Variants in SEMA5A observed in about 807,000 individuals in gnomAD.
SEMA5A encodes the protein semaphorin-5A.
Under a neutral mutation model 135.5 loss-of-function variants are expected in SEMA5A, and 55 were observed. That is an observed-to-expected ratio of 0.41 (90% CI 0.33 to 0.51). The LOEUF is 0.51. Ranked by LOEUF, SEMA5A falls within the 20% of genes least tolerant of loss-of-function variation. SEMA5A has a pLI of 0.37. For synonymous variants in SEMA5A, 580 were observed against 546.5 expected (o/e 1.06, Z -0.85); for missense variants, 1,290 against 1,419.9 (o/e 0.91, Z 1.47).
chr5:9,394,598 A>G (rs1278591297), intron 2 of SEMA5A, among the ~76,000 whole-genome samples: 2 of 152,164 alleles, frequency 1.3e-5, no homozygotes, highest in East Asian at 3.9e-4. Flanking sequence ...TCATGGAAAG[A>G]AGCCCCAGGT....
intron 1 of SEMA5A, among the ~76,000 whole-genome samples, chr5:9,515,203 A>T (rs996767015): frequency 6.6e-6 from 1 of 152,160 alleles, no homozygotes; most frequent in African/African-American, 2.4e-5. Context: ...GCTGTGACTG[A>T]TGGCCACTGC....
In SEMA5A at chr5:9,456,613, G is replaced by A. The variant is rs142736852; in HGVS notation, c.-174-18761C>T. ...AGCCCAGTCCTCATGCAGCCTAACT[G>A]GACCCCAAACCACAAAGGGGCTGGA... On this transcript the variant is annotated intron_variant, in intron 1 of 22. Coordinates refer to ENST00000382496, the MANE Select transcript of SEMA5A (RefSeq NM_003966.3). Among the ~76,000 whole-genome samples, 598 of 152,172 alleles carry A rather than the reference G, an allele frequency of 3.9e-3. 4 individuals carry two copies. The highest frequency in any genetic ancestry group is 0.014 in the African/African-American group (575 of 41,510).
intron 5 of SEMA5A, among the ~76,000 whole-genome samples, chr5:9,271,380 A>G (rs1749966187): frequency 6.6e-6 from 1 of 152,164 alleles, no homozygotes; most frequent in Non-Finnish European, 1.5e-5. Context: ...TGAACTAATA[A>G]AGAAAATTGG....
At chr5:9,123,196 T>C (rs1248632254) in intron 13 of SEMA5A, among the ~76,000 whole-genome samples, 1 of 132,218 alleles carries the variant, frequency 7.6e-6, no homozygotes, top group Non-Finnish European at 1.5e-5. Context: ...GAGGTGGAGC[T>C]TGCAGTGAGC....
At chr5:9,075,338 A>C (rs1283477678) in intron 16 of SEMA5A, among the ~76,000 whole-genome samples, 2 of 152,212 alleles carry the variant, frequency 1.3e-5, no homozygotes, top group African/African-American at 4.8e-5. Context: ...TACCCAAGAG[A>C]AAATGAAACA....
At chr5:9,159,416 C>G (rs757213285) in intron 11 of SEMA5A, among the ~76,000 whole-genome samples, 14 of 151,956 alleles carry the variant, frequency 9.2e-5, no homozygotes, top group Non-Finnish European at 1.3e-4. Flanking sequence ...AACTGGAGGG[C>G]AATGAAAAGA....
intron 6 of SEMA5A, among the ~76,000 whole-genome samples, chr5:9,229,144 A>G (rs1211360264): frequency 1.3e-5 from 2 of 152,202 alleles, no homozygotes; most frequent in Non-Finnish European, 2.9e-5. Context: ...TCCTCCTAAC[A>G]TTATTCCTAA....
intron 2 of SEMA5A, among the ~76,000 whole-genome samples, chr5:9,417,604 C>G (rs756133142): frequency 6.6e-6 from 1 of 152,218 alleles, no homozygotes; most frequent in Non-Finnish European, 1.5e-5. Flanking sequence ...GTTCAATTCA[C>G]CTGATTCCAT....
intron 4 of SEMA5A, among the ~76,000 whole-genome samples, chr5:9,331,848 T>G (rs781341738): frequency 8.5e-5 from 13 of 152,254 alleles, no homozygotes; most frequent in Non-Finnish European, 1.5e-5. Flanking sequence ...CTTTCCTTTT[T>G]TATCTGTAGT....
intron 5 of SEMA5A, among the ~76,000 whole-genome samples, chr5:9,241,565 CAAA>C (rs3061561): frequency 8.3e-4 from 93 of 111,856 alleles, no homozygotes; most frequent in Middle Eastern, 4.5e-3. Flanking sequence ...AAGAGAGCTA[CAAA>C]AAAAAAAAAA....
Position 9,401,700 on chromosome 5 carries a change from A to G in SEMA5A, c.-77-21677T>C, listed in dbSNP as rs1370499143. Among the ~76,000 whole-genome samples, 5 of 152,290 alleles carry G rather than the reference A, an allele frequency of 3.3e-5. No individual in the cohort carries two copies. The East Asian group carries it at 9.6e-4, about 29-fold the overall frequency. On this transcript the variant is annotated intron_variant, in intron 2 of 22. Transcript: ENST00000382496. ...ATTAATGCCTTGACCACTAGGCAAG[A>G]CTCTCATCCTATGGGGATTTTCTGG...
chr5:9,221,577 C>T (rs937561584), intron 8 of SEMA5A, among the ~76,000 whole-genome samples: 1 of 152,158 alleles, frequency 6.6e-6, no homozygotes, highest in Admixed American at 6.5e-5. Flanking sequence ...GCTGGGATTA[C>T]AGGCGTGAGC....
At position 9,054,018 on chromosome 5, in the gene SEMA5A, C is replaced by T. The variant is rs955461600; in HGVS notation, c.2689+69G>A. 13 of 1,505,212 alleles carry T rather than the reference C, an allele frequency of 8.6e-6. No homozygotes were observed. The Admixed American group carries it at 1.1e-4, about 12-fold the overall frequency. The allele number at this position is 1,505,212 out of a possible 1,614,324, so 93.2% of individuals were successfully genotyped here. ...TACCATGATGCAGTATCATCAATTA[C>T]ACCATTTATCCATTAAGGAAAGAGG... is the stretch of plus-strand genomic sequence containing the variant. On this transcript the variant is annotated intron_variant, in intron 19 of 22. Transcript: ENST00000382496.
At chr5:9,063,822 A>G (rs920616883) in intron 17 of SEMA5A, among the ~76,000 whole-genome samples, 1 of 152,246 alleles carries the variant, frequency 6.6e-6, no homozygotes, top group African/African-American at 2.4e-5. Flanking sequence ...CAGGAATCAC[A>G]GCCAACAGGC....
At chr5:9,385,158 A>G (rs148439944) in intron 2 of SEMA5A, among the ~76,000 whole-genome samples, 2 of 152,308 alleles carry the variant, frequency 1.3e-5, no homozygotes, top group African/African-American at 4.8e-5. Context: ...TATTTTCCAG[A>G]TGTAGGAGGA....
At chr5:9,482,143 GA>G (rs1405562084) in intron 1 of SEMA5A, among the ~76,000 whole-genome samples, 2 of 152,296 alleles carry the variant, frequency 1.3e-5, no homozygotes, top group East Asian at 3.9e-4. Context: ...GTTGAGTACA[GA>G]GTGGGATGCC....
chr5:9,267,855 A>C (rs1213833763), intron 5 of SEMA5A, among the ~76,000 whole-genome samples: 2 of 152,226 alleles, frequency 1.3e-5, no homozygotes, highest in Admixed American at 1.3e-4. Flanking sequence ...GCTGGGTACA[A>C]AGGGTTTTAT....
At chr5:9,108,354 T>A (rs1473915419) in intron 15 of SEMA5A, 67 bp from the exon 16 acceptor site, 1 of 1,567,282 alleles carries the variant, frequency 6.4e-7, no homozygotes, top group African/African-American at 1.4e-5. Context: ...GACGTTTCCA[T>A]CTCCATCCCT....
At chr5:9,446,860 G>C (rs1000894947) in intron 1 of SEMA5A, among the ~76,000 whole-genome samples, 2 of 152,092 alleles carry the variant, frequency 1.3e-5, no homozygotes, top group African/African-American at 4.8e-5. Context: ...TAAAAAAAGG[G>C]CTGGGTTCTT....
Sources: allele counts gnomAD v4.1 joint callset (sites outside exome capture counted in the v4.1 genomes callset), GRCh38; gene constraint gnomAD v4.1.1; transcripts MANE v1.5; gene names NCBI Gene and HGNC (gene_info 2026-07-23, HGNC 2026-07-21).